The following ZNF503 variants were observed in gnomAD, a reference collection of about 807,000 sequenced individuals.
ZNF503 encodes the protein NocA-like zinc finger 2.
In ZNF503, 15 loss-of-function variants were observed where a neutral mutation model predicts 34.4. The observed-to-expected ratio is 0.44, with a 90% CI of 0.29 to 0.67. The LOEUF is 0.67. Among genes scored for constraint, ZNF503 ranks in the 30% least tolerant of loss-of-function variants. The pLI, the probability that ZNF503 is intolerant of heterozygous loss-of-function variation, is 0.13. For missense variants in ZNF503, 1,007 were observed against 926.8 expected (o/e 1.09, Z -1.12); for synonymous variants, 580 against 456.8 (o/e 1.27, Z -3.44).
the ZNF503 span, among the ~76,000 whole-genome samples, chr10:75,295,337 A>G: frequency 6.6e-6 from 1 of 151,876 alleles, no homozygotes; most frequent in Admixed American, 6.6e-5. This position sits in a 1 kb window ranked among gnomAD's most constrained non-coding sequence, Gnocchi z 4.0. Context: ...CCTCTCCCAA[A>G]GTTGTGCCGC....
At chr10:75,385,331 AAG>A in the ZNF503 span, among the ~76,000 whole-genome samples, 1 of 152,234 alleles carries the variant, frequency 6.6e-6, no homozygotes, top group African/African-American at 2.4e-5. Context: ...CTACAAGAAA[AAG>A]AGTCTCAAAT....
chr10:75,395,543 G>A (rs530735126), downstream of ZNF503, among the ~76,000 whole-genome samples: 89 of 152,230 alleles, frequency 5.8e-4, no homozygotes, highest in African/African-American at 2.1e-3. The surrounding 1 kb of genome is among the most constrained non-coding windows in gnomAD (Gnocchi z 4.4). Flanking sequence ...CCGGCGCGCC[G>A]GGGATCCCGC....
the ZNF503 span, among the ~76,000 whole-genome samples, chr10:75,372,604 T>C: frequency 6.6e-6 from 1 of 152,204 alleles, no homozygotes; most frequent in Non-Finnish European, 1.5e-5. Context: ...AGGGACAGGA[T>C]TGTTTAATGG....
upstream of ZNF503, chr10:75,401,884 G>T: frequency 5.6e-6 from 1 of 177,850 alleles, no homozygotes; most frequent in Non-Finnish European, 1.2e-5. Context: ...CGCGTCCCGC[G>T]CCGCCGCCGC....
At chr10:75,379,819 A>G in the ZNF503 span, among the ~76,000 whole-genome samples, 31 of 152,338 alleles carry the variant, frequency 2.0e-4, no homozygotes, top group African/African-American at 7.2e-4. Flanking sequence ...GAGGAACCAG[A>G]GGGAAGCGTG....
chr10:75,310,605 C>T, the ZNF503 span, among the ~76,000 whole-genome samples: 7 of 152,326 alleles, frequency 4.6e-5, no homozygotes, highest in African/African-American at 1.7e-4. Flanking sequence ...CAAAACCCTA[C>T]CAGAATGATA....
At chr10:75,332,948 A>G in the ZNF503 span, among the ~76,000 whole-genome samples, 5 of 143,304 alleles carry the variant, frequency 3.5e-5, no homozygotes, top group African/African-American at 1.3e-4. Context: ...TATTCCACAA[A>G]GCCGCCATTG....
At chr10:75,318,835 G>C in the ZNF503 span, among the ~76,000 whole-genome samples, 1 of 151,756 alleles carries the variant, frequency 6.6e-6, no homozygotes, top group Non-Finnish European at 1.5e-5. Context: ...AAATATAATA[G>C]GCTTTCCTCC....
chr10:75,347,566 T>C, the ZNF503 span, among the ~76,000 whole-genome samples: 1 of 152,194 alleles, frequency 6.6e-6, no homozygotes, highest in Non-Finnish European at 1.5e-5. Flanking sequence ...AACTCAGGCC[T>C]CATTGCCCTT....
the ZNF503 span, among the ~76,000 whole-genome samples, chr10:75,390,715 G>A: frequency 6.6e-6 from 1 of 152,194 alleles, no homozygotes; most frequent in South Asian, 2.1e-4. Flanking sequence ...ACCACTCGTG[G>A]GGTGCGGGGG....
chr10:75,389,095 T>C, the ZNF503 span, among the ~76,000 whole-genome samples: 1 of 152,128 alleles, frequency 6.6e-6, no homozygotes, highest in African/African-American at 2.4e-5. Context: ...AATTGCCTAA[T>C]TGCCCCAGAA....
chr10:75,383,330 T>C, the ZNF503 span, among the ~76,000 whole-genome samples: 1 of 152,174 alleles, frequency 6.6e-6, no homozygotes, highest in African/African-American at 2.4e-5. Flanking sequence ...TCAGCCCCCA[T>C]TCCTCCTGAT....
chr10:75,313,860 G>A, the ZNF503 span, among the ~76,000 whole-genome samples: 1 of 152,186 alleles, frequency 6.6e-6, no homozygotes, highest in Non-Finnish European at 1.5e-5. Flanking sequence ...GGCTAGCTTT[G>A]CAAAATATAG....
At chr10:75,331,130 A>AT in the ZNF503 span, among the ~76,000 whole-genome samples, 1 of 151,974 alleles carries the variant, frequency 6.6e-6, no homozygotes, top group Non-Finnish European at 1.5e-5. Context: ...CTTGTTATTG[A>AT]TTTTTAGTTT....
the ZNF503 span, among the ~76,000 whole-genome samples, chr10:75,314,114 G>T: frequency 6.6e-6 from 1 of 152,038 alleles, no homozygotes. Context: ...TCTGCGAATT[G>T]CTAGACAAAT....
chr10:75,386,439 C>T, the ZNF503 span, among the ~76,000 whole-genome samples: 1 of 152,220 alleles, frequency 6.6e-6, no homozygotes, highest in Non-Finnish European at 1.5e-5. Context: ...ATACCTGAGT[C>T]TAAAGGCCTC....
the ZNF503 span, among the ~76,000 whole-genome samples, chr10:75,353,878 G>T: frequency 2.0e-5 from 3 of 152,210 alleles, no homozygotes; most frequent in Non-Finnish European, 4.4e-5. Context: ...AGCAATAGAT[G>T]CGAGAGTGGA....
At chr10:75,290,073 C>G in the ZNF503 span, among the ~76,000 whole-genome samples, 1 of 152,132 alleles carries the variant, frequency 6.6e-6, no homozygotes, top group African/African-American at 2.4e-5. Context: ...ACTTTAGGTA[C>G]CACCTGGAAG....
In ZNF503 at chr10:75,397,953, A is replaced by C. The variant is rs1173071685; in HGVS notation, c.*796T>G. 1 of 152,648 alleles carries C rather than the reference A, an allele frequency of 6.6e-6. No individual in the cohort carries two copies. The highest frequency in any genetic ancestry group is 2.4e-5 in the African/African-American group (1 of 41,454). The allele number at this position is 152,648 out of a possible 1,614,324, so 9.5% of individuals were successfully genotyped here. A position where few individuals can be genotyped will look rare whatever the true frequency, so the allele number is the denominator to read the frequency against. ...TTCTCAGCGGGTGGACTTAAAAATT[A>C]AAAATAGTTAAGTGTTCCTTTTAAA... is the stretch of plus-strand genomic sequence containing the variant. On this transcript the variant is annotated 3_prime_UTR_variant, in exon 2 of 2. Transcript: ENST00000372524.
Sources: gnomAD v4.1 joint callset for allele counts (sites outside exome capture counted in the v4.1 genomes callset) on GRCh38, gnomAD v4.1.1 for gene constraint, Gnocchi (gnomAD v3.1) non-coding constraint, MANE v1.5 for transcripts, NCBI Gene and HGNC (gene_info 2026-07-23, HGNC 2026-07-21) for gene names.